The following PCDH15 variants were observed in gnomAD, a reference collection of about 807,000 sequenced individuals.
PCDH15 encodes the protein protocadherin-15.
A neutral mutation model predicts 178.5 loss-of-function variants in PCDH15; 129 were observed. That is an observed-to-expected ratio of 0.72 (90% CI 0.63 to 0.84). The LOEUF (loss-of-function observed/expected upper bound fraction) is 0.84, where lower values mean the gene tolerates loss of function less well. PCDH15 is among the 40% of genes least tolerant of loss of function. PCDH15 has a pLI of 0.00. For synonymous variants in PCDH15, 800 were observed against 732.0 expected, an observed-to-expected ratio of 1.09 and a Z score of -1.50; for missense variants, 2,230 against 2,099.9, an observed-to-expected ratio of 1.06 and a Z score of -1.21.
intron 2 of PCDH15, among the ~76,000 whole-genome samples, chr10:54,561,360 C>T (rs1317423193): frequency 6.6e-6 from 1 of 151,758 alleles, no homozygotes; most frequent in African/African-American, 2.4e-5. Context: ...GTGAGTAAAC[C>T]CTGAAGCAAG....
At chr10:54,802,950 T>C (rs569540790), upstream of PCDH15, among the ~76,000 whole-genome samples, 2 of 152,210 alleles carry the variant, frequency 1.3e-5, no homozygotes, top group Admixed American at 6.5e-5. Context: ...CAGCTGATTT[T>C]CATTTTCAAA....
intron 3 of PCDH15, among the ~76,000 whole-genome samples, chr10:54,853,316 T>TATATACACATACATACATATAC (rs1554806802): frequency 1.7e-5 from 2 of 115,144 alleles, no homozygotes; most frequent in African/African-American, 7.2e-5. Context: ...TATATATATA[T>TATATACACATACATACATATAC]ATACATACAC....
chr10:53,830,557 C>G (rs1588984422), intron 30 of PCDH15, among the ~76,000 whole-genome samples: 1 of 152,148 alleles, frequency 6.6e-6, no homozygotes, highest in African/African-American at 2.4e-5. Flanking sequence ...GTGTGGCTCT[C>G]TATCACAAAG....
chr10:55,334,316 T>A lies in PCDH15; in HGVS notation c.-155-167665A>T, dbSNP rs9888095. Among the ~76,000 whole-genome samples the A allele has an allele frequency of 5.2e-3, 720 of 137,852 alleles. 15 individuals carry two copies. Among genetic ancestry groups the A allele is most frequent in the Middle Eastern group, 0.011 (3 of 272 alleles). 90.4% of individuals were successfully genotyped at this position (137,852 alleles called of 152,430 possible). Reference sequence around the variant, plus strand: ...TATATATCTATATATATATATATATTTTTTTTTTGAGACAGAGTTTCGCTC... The same window carrying A: ...TATATATCTATATATATATATATATATTTTTTTTGAGACAGAGTTTCGCTC... On this transcript the variant is annotated intron_variant, in intron 2 of 5. Coordinates refer to the PCDH15 transcript ENST00000613346.
chr10:53,947,412 C>T (rs957288223), intron 23 of PCDH15, among the ~76,000 whole-genome samples: 1 of 152,046 alleles, frequency 6.6e-6, no homozygotes, highest in Admixed American at 6.6e-5. Context: ...TTCAATCTGG[C>T]TCTATTGCTT....
intron 2 of PCDH15, among the ~76,000 whole-genome samples, chr10:54,570,020 C>T (rs898244724): frequency 2.7e-5 from 4 of 147,168 alleles, no homozygotes; most frequent in Admixed American, 7.0e-5. Context: ...AATAGACTCT[C>T]TTTGCCAATA....
chr10:54,143,649 G>A (rs1185236490), intron 14 of PCDH15, among the ~76,000 whole-genome samples: 4 of 152,132 alleles, frequency 2.6e-5, no homozygotes, highest in African/African-American at 9.6e-5. Context: ...AATTTTTGTG[G>A]CTTTTATCTT....
intron 1 of PCDH15, among the ~76,000 whole-genome samples, chr10:55,223,316 C>T (rs1840937922): frequency 6.6e-6 from 1 of 152,114 alleles, no homozygotes; most frequent in African/African-American, 2.4e-5. Flanking sequence ...ACTTTAACTA[C>T]AATAACCTCA....
rs548070355 is a variant in PCDH15, at chr10:55,041,652, A to G, written c.-80+124924T>C. On this transcript the variant is annotated intron_variant, in intron 2 of 5. Coordinates refer to the PCDH15 transcript ENST00000458638. Reference sequence around the variant, plus strand: ...CAAGGGGGAATATTGGTTACTGTTCATTTGATCCTGGTGTCTTGGTTAAAT... The same window carrying G: ...CAAGGGGGAATATTGGTTACTGTTCGTTTGATCCTGGTGTCTTGGTTAAAT... 7.8e-4 allele frequency among the ~76,000 whole-genome samples: 118 copies of G among 152,202 alleles called. 1 individual carries two copies. The highest frequency in any genetic ancestry group is 2.6e-3 in the African/African-American group (109 of 41,550).
At position 55,315,475 on chromosome 10, in the gene PCDH15, T is replaced by C. The variant is rs1305666769; in HGVS notation, c.-156+4124A>G. Among the ~76,000 whole-genome samples the C allele has an allele frequency of 1.2e-4, 18 of 152,144 alleles. 1 individual carries two copies. The highest frequency in any genetic ancestry group is 1.1e-3 in the Admixed American group (17 of 15,268). On this transcript the variant is annotated intron_variant, in intron 1 of 5. Transcript: ENST00000458638. ...AGTTACACAGTTTATTAATAGTCTA[T>C]ATTGTGCTAAATCTCTAGTCTCTCA... is the stretch of plus-strand genomic sequence containing the variant.
chr10:54,043,259 C>G (rs138392364), intron 18 of PCDH15, among the ~76,000 whole-genome samples: 2 of 152,188 alleles, frequency 1.3e-5, no homozygotes, highest in African/African-American at 4.8e-5. Context: ...AATATCAATT[C>G]AGAGGTAAAG....
chr10:55,190,806 T>C (rs1839927091), intron 1 of PCDH15, among the ~76,000 whole-genome samples: 2 of 151,686 alleles, frequency 1.3e-5, no homozygotes, highest in South Asian at 4.1e-4. Flanking sequence ...GGAACTCTCA[T>C]TTAGTGCACA....
intron 2 of PCDH15, among the ~76,000 whole-genome samples, chr10:54,906,972 T>G (rs1172198421): frequency 1.3e-5 from 2 of 152,136 alleles, no homozygotes; most frequent in African/African-American, 4.8e-5. Context: ...AAGTATCCAG[T>G]AAAAGTGAGT....
intron 23 of PCDH15, among the ~76,000 whole-genome samples, chr10:53,957,408 T>G (rs772705235): frequency 6.6e-6 from 1 of 152,004 alleles, no homozygotes; most frequent in Non-Finnish European, 1.5e-5. Flanking sequence ...CAGAAAACTG[T>G]GCATAGGAGT....
At chr10:54,916,818 G>A (rs756197239) in intron 2 of PCDH15, among the ~76,000 whole-genome samples, 18 of 152,178 alleles carry the variant, frequency 1.2e-4, no homozygotes, top group Admixed American at 4.6e-4. Context: ...TGCCATGACC[G>A]CTGATTCTTG....
intron 2 of PCDH15, among the ~76,000 whole-genome samples, chr10:55,608,399 A>C (rs968737860): frequency 2.0e-5 from 3 of 151,564 alleles, no homozygotes; most frequent in Admixed American, 6.6e-5. Flanking sequence ...TCCAGGACTC[A>C]AGAAAGAGTC....
intron 17 of PCDH15, among the ~76,000 whole-genome samples, chr10:54,076,616 C>T (rs1302604391): frequency 4.0e-5 from 6 of 151,732 alleles, no homozygotes; most frequent in Non-Finnish European, 8.8e-5. Context: ...TCTGTACCCC[C>T]GATAGCTAAA....
chr10:55,574,956 T>C (rs912539795), intron 2 of PCDH15, among the ~76,000 whole-genome samples: 5 of 152,112 alleles, frequency 3.3e-5, no homozygotes, highest in African/African-American at 4.8e-5. Flanking sequence ...ATTTTCAACA[T>C]AGTTATCTCT....
intron 1 of PCDH15, among the ~76,000 whole-genome samples, chr10:55,253,920 A>G (rs1178757098): frequency 6.6e-6 from 1 of 152,216 alleles, no homozygotes; most frequent in African/African-American, 2.4e-5. Flanking sequence ...ATCAAATTTG[A>G]AATAAAATTA....
Sources: allele counts gnomAD v4.1 joint callset (sites outside exome capture counted in the v4.1 genomes callset), GRCh38; gene constraint gnomAD v4.1.1; transcripts MANE v1.5; gene names NCBI Gene and HGNC (gene_info 2026-07-23, HGNC 2026-07-21).